Variants in ARHGAP22 observed in about 807,000 individuals in gnomAD.
ARHGAP22 encodes Rho GTPase activating protein 22, also known as rho GTPase-activating protein 22.
A neutral mutation model predicts 59.1 loss-of-function variants in ARHGAP22; 48 were observed. The ratio of observed to expected loss-of-function variants is 0.81; its 90% CI spans 0.64 to 1.03. ARHGAP22 has a LOEUF of 1.03. ARHGAP22 is among the 50% of genes least tolerant of loss of function. The probability of loss-of-function intolerance (pLI) is 0.00; values close to 1 mark genes in which losing one functional copy is unlikely to be tolerated. For synonymous variants in ARHGAP22, 445 were observed against 416.4 expected (o/e 1.07, Z -0.84); for missense variants, 1,015 against 958.7 (o/e 1.06, Z -0.78).
chr10:48,478,396 T>A (rs2048945888), intron 4 of ARHGAP22, among the ~76,000 whole-genome samples: 1 of 152,194 alleles, frequency 6.6e-6, no homozygotes, highest in Non-Finnish European at 1.5e-5. Flanking sequence ...GGTGGTCAGG[T>A]AGACCATAGC....
At chr10:48,562,233 A>G (rs1280540707) in intron 2 of ARHGAP22, among the ~76,000 whole-genome samples, 2 of 151,524 alleles carry the variant, frequency 1.3e-5, no homozygotes, top group African/African-American at 2.4e-5. Context: ...CTCAAAAAAA[A>G]AAAAGAAAAA....
At chr10:48,557,294 G>A (rs1564877922) in intron 2 of ARHGAP22, among the ~76,000 whole-genome samples, 2 of 152,124 alleles carry the variant, frequency 1.3e-5, no homozygotes, top group South Asian at 2.1e-4. Flanking sequence ...GTCATTCTAG[G>A]TACTTTGCTG....
chr10:48,542,431 T>C (rs879601750), intron 3 of ARHGAP22, among the ~76,000 whole-genome samples: 1 of 152,242 alleles, frequency 6.6e-6, no homozygotes, highest in Admixed American at 6.5e-5. Context: ...GTTTTTTAAG[T>C]GAAGTCGAGT....
intron 3 of ARHGAP22, among the ~76,000 whole-genome samples, chr10:48,539,876 T>C (rs957774754): frequency 3.9e-5 from 6 of 152,236 alleles, no homozygotes; most frequent in Non-Finnish European, 4.4e-5. Context: ...TGACTTATAA[T>C]AAATTTTTTA....
chr10:48,586,251 C>A (rs912960034), intron 1 of ARHGAP22, among the ~76,000 whole-genome samples: 1 of 152,116 alleles, frequency 6.6e-6, no homozygotes, highest in Non-Finnish European at 1.5e-5. Flanking sequence ...AGGCTTTGGA[C>A]TAAGGTTTGA....
At chr10:48,587,354 A>G (rs2059492795) in intron 1 of ARHGAP22, among the ~76,000 whole-genome samples, 1 of 152,198 alleles carries the variant, frequency 6.6e-6, no homozygotes, top group Non-Finnish European at 1.5e-5. Flanking sequence ...GGGACTAAGG[A>G]GGACAGGGAG....
chr10:48,455,409 C>T (rs1234199362), intron 5 of ARHGAP22, among the ~76,000 whole-genome samples: 1 of 152,220 alleles, frequency 6.6e-6, no homozygotes, highest in African/African-American at 2.4e-5. Context: ...GCTCAGAATC[C>T]CTGAGTCTCA....
chr10:48,461,070 C>T (rs1326598569), intron 4 of ARHGAP22, among the ~76,000 whole-genome samples: 3 of 149,650 alleles, frequency 2.0e-5, no homozygotes, highest in African/African-American at 7.7e-5. Context: ...CTGATGGTTG[C>T]ACGATAATTG....
chr10:48,546,837 C>A (rs2056480743), intron 3 of ARHGAP22: 1 of 152,186 alleles, frequency 6.6e-6, no homozygotes, highest in Non-Finnish European at 1.5e-5. Context: ...AGAGAGCATG[C>A]AGGGAGGAGG....
At chr10:48,576,754 T>C (rs915553950) in intron 2 of ARHGAP22, among the ~76,000 whole-genome samples, 26 of 152,076 alleles carry the variant, frequency 1.7e-4, no homozygotes, top group African/African-American at 6.3e-4. Flanking sequence ...ATGAGGTTTC[T>C]TTTCTATCTT....
At chr10:48,433,200 T>TG in the ARHGAP22 span, among the ~76,000 whole-genome samples, 1 of 152,154 alleles carries the variant, frequency 6.6e-6, no homozygotes, top group Non-Finnish European at 1.5e-5. Context: ...CAAGTGTGTG[T>TG]TTTTTCCCCT....
chr10:48,514,701 T>C (rs1040896682), intron 3 of ARHGAP22, among the ~76,000 whole-genome samples: 1 of 152,190 alleles, frequency 6.6e-6, no homozygotes, highest in Non-Finnish European at 1.5e-5. Flanking sequence ...TAAATGTATT[T>C]TTATAGCTCT....
chr10:48,508,189 C>A (rs1263609521), intron 3 of ARHGAP22, among the ~76,000 whole-genome samples: 1 of 152,198 alleles, frequency 6.6e-6, no homozygotes, highest in Non-Finnish European at 1.5e-5. Context: ...CCAGCTTTCA[C>A]CCCAGGCATA....
chr10:48,451,860 C>T (rs1163447282), intron 8 of ARHGAP22, among the ~76,000 whole-genome samples: 1 of 151,736 alleles, frequency 6.6e-6, no homozygotes, highest in African/African-American at 2.4e-5. Context: ...CCCCAAAGCC[C>T]CTACACACAC....
At chr10:48,626,906 G>T (rs2061469516) in intron 1 of ARHGAP22, among the ~76,000 whole-genome samples, 1 of 152,214 alleles carries the variant, frequency 6.6e-6, no homozygotes, top group African/African-American at 2.4e-5. Flanking sequence ...CATGTGATTA[G>T]AGGGTTACAA....
chr10:48,600,767 C>A (rs905045670), intron 1 of ARHGAP22, among the ~76,000 whole-genome samples: 1 of 152,168 alleles, frequency 6.6e-6, no homozygotes, highest in African/African-American at 2.4e-5. Context: ...GGTGGAGTAC[C>A]TGGCTAGTGG....
chr10:48,592,372 T>C (rs909940604), intron 1 of ARHGAP22, among the ~76,000 whole-genome samples: 70 of 152,296 alleles, frequency 4.6e-4, no homozygotes, highest in African/African-American at 1.7e-3. Context: ...AGAACTGCTC[T>C]TACCACGTTG....
chr10:48,603,330 A>G (rs1348123067), intron 1 of ARHGAP22, among the ~76,000 whole-genome samples: 1 of 152,236 alleles, frequency 6.6e-6, no homozygotes, highest in South Asian at 2.1e-4. Context: ...TATGAGTCAC[A>G]TATGTACTTG....
chr10:48,600,425 T>G (rs1212420668), intron 1 of ARHGAP22, among the ~76,000 whole-genome samples: 4 of 152,158 alleles, frequency 2.6e-5, no homozygotes, highest in Non-Finnish European at 1.5e-5. Context: ...ATGCTTTATA[T>G]CTTGATCTTC....
Sources: allele counts gnomAD v4.1 joint callset (sites outside exome capture counted in the v4.1 genomes callset), GRCh38; gene constraint gnomAD v4.1.1; transcripts MANE v1.5; gene names NCBI Gene and HGNC (gene_info 2026-07-23, HGNC 2026-07-21).